Variants in SDHA observed in about 807,000 individuals in gnomAD.
SDHA encodes the protein succinate dehydrogenase complex flavoprotein subunit A.
A neutral mutation model predicts 78.4 loss-of-function variants in SDHA; 48 were observed. The ratio of observed to expected loss-of-function variants is 0.61; its 90% CI spans 0.49 to 0.78. SDHA has a LOEUF of 0.78. Ranked by LOEUF, SDHA falls within the 30% of genes least tolerant of loss-of-function variation. The pLI is 0.00. For synonymous variants in SDHA, 326 were observed against 353.9 expected, an observed-to-expected ratio of 0.92 and a Z score of 0.88; for missense variants, 680 against 892.7, an observed-to-expected ratio of 0.76 and a Z score of 3.04.
chr5:255,447 G>T (rs1205476406), intron 14 of SDHA, among the ~76,000 whole-genome samples: 2 of 149,164 alleles, frequency 1.3e-5, no homozygotes, highest in Non-Finnish European at 3.0e-5. Flanking sequence ...TCCGGGTTCG[G>T]GTTTTTTGGT....
intron 11 of SDHA, among the ~76,000 whole-genome samples, chr5:247,984 T>C (rs1227781177): frequency 7.1e-6 from 1 of 140,436 alleles, no homozygotes; most frequent in Non-Finnish European, 1.5e-5. Flanking sequence ...CATATGCAAT[T>C]GAATCGCATT....
intron 10 of SDHA, among the ~76,000 whole-genome samples, chr5:239,488 TGGA>T (rs1342591905): frequency 1.3e-5 from 2 of 151,218 alleles, no homozygotes; most frequent in Non-Finnish European, 2.9e-5. Flanking sequence ...AACCCGGAGA[TGGA>T]GGTTGCAGTG....
chr5:238,181 C>G (rs1413405339), intron 10 of SDHA, among the ~76,000 whole-genome samples: 1 of 151,914 alleles, frequency 6.6e-6, no homozygotes, highest in Non-Finnish European at 1.5e-5. Flanking sequence ...TCTGTTGATA[C>G]GACATTCTGG....
chr5:246,565 A>G (rs1279859726), intron 11 of SDHA, among the ~76,000 whole-genome samples: 4 of 152,270 alleles, frequency 2.6e-5, no homozygotes, highest in Non-Finnish European at 5.9e-5. Context: ...AGTTCCAGAG[A>G]AGGCTCTAGA....
In SDHA at chr5:226,032, C is replaced by T. The variant is rs1487422271; in HGVS notation, c.606C>T (p.His202=). The T allele has an allele frequency of 1.9e-6, 3 of 1,614,194 alleles. No individual in the cohort carries two copies. The South Asian group carries it at 3.3e-5, about 18-fold the overall frequency. The change falls in exon 5 of 15, where the codon CAC becomes CAT. Residue 202 remains histidine (H), a synonymous_variant. Coordinates refer to ENST00000264932, the MANE Select transcript of SDHA (RefSeq NM_004168.4). ...VADRTGHSLL[H]TLYGRSLRYD... is the part of the protein sequence containing the mutation. ...ATCGGACTGGCCACTCGCTATTGCA[C>T]ACCTTATATGGAAGGGTAAGGCCGC...
rs1199457341 is a variant in SDHA at position 230,915 on chromosome 5, C to T, written c.810C>T (p.His270=). 1.9e-6 allele frequency: 3 copies of T among 1,614,146 alleles called. No homozygotes were observed. Among genetic ancestry groups the T allele is most frequent in the South Asian group, 1.1e-5 (1 of 91,082 alleles). ...CCTACTTCAGCTGCACGTCTGCCCA[C>T]ACCAGCACTGGCGACGGCACGGCCA... ...GRTYFSCTSA[H]TSTGDGTAMI... is the part of the protein sequence containing the mutation. Residue 270 remains histidine, a synonymous_variant, in exon 7 of 15, where the codon CAC becomes CAT. Transcript: ENST00000264932.
intron 8 of SDHA, 44 bp downstream of exon 8, chr5:233,689 G>T: frequency 6.2e-7 from 1 of 1,604,884 alleles, no homozygotes; most frequent in South Asian, 1.1e-5. Context: ...GGGCACACGG[G>T]CCGGGGTTGC....
At chr5:226,484 T>C (rs180945784) in intron 5 of SDHA, among the ~76,000 whole-genome samples, 12 of 152,052 alleles carry the variant, frequency 7.9e-5, no homozygotes, top group Middle Eastern at 6.8e-3. Context: ...GTTTAAAAAT[T>C]AGCTGGGCAT....
intron 9 of SDHA, chr5:235,778 G>A (rs1444572615): frequency 3.2e-6 from 1 of 308,300 alleles, no homozygotes; most frequent in African/African-American, 2.2e-5. Flanking sequence ...TGGAACATCA[G>A]TCTCCCCTGC....
rs1449742263 is a variant in SDHA at position 251,036 on chromosome 5, G to T, written c.1596G>T (p.Leu532Phe). 1 of 1,612,044 alleles carries T rather than the reference G, an allele frequency of 6.2e-7. No homozygotes were observed. Among genetic ancestry groups the T allele is most frequent in the Non-Finnish European group, 8.5e-7 (1 of 1,179,866 alleles). ...CCGTGTTCCGTGTGGGAAGCGTGTTGCAAGAAGGTTGTGGGAAAATCAGCA... is the reference window on the plus strand; with the variant it reads ...CCGTGTTCCGTGTGGGAAGCGTGTTTCAAGAAGGTTGTGGGAAAATCAGCA... ...HAAVFRVGSV[L>F]QEGCGKISKL... Residue 532 changes from leucine to phenylalanine, a missense_variant, in exon 12 of 15, where the codon TTG becomes TTT. Coordinates refer to ENST00000264932, the MANE Select transcript of SDHA (RefSeq NM_004168.4).
chr5:219,196 T>C (rs966639086), intron 1 of SDHA, among the ~76,000 whole-genome samples: 2 of 152,196 alleles, frequency 1.3e-5, no homozygotes, highest in Non-Finnish European at 2.9e-5. Flanking sequence ...TGTGCTTGCC[T>C]GTGCGCTGAG....
intron 6 of SDHA, among the ~76,000 whole-genome samples, chr5:228,719 A>G (rs1321474857): frequency 1.3e-5 from 2 of 152,240 alleles, no homozygotes; most frequent in African/African-American, 2.4e-5. Flanking sequence ...TCTTCTCCAC[A>G]TGATGAAAAT....
chr5:259,939 C>A (rs1200624463), downstream of SDHA, among the ~76,000 whole-genome samples: 5 of 40,830 alleles, frequency 1.2e-4, no homozygotes, highest in Admixed American at 2.2e-4. Flanking sequence ...ACCGTGTGAG[C>A]TCCGCCTCCC....
chr5:231,442 C>G (rs186918579), intron 7 of SDHA, among the ~76,000 whole-genome samples: 1 of 151,902 alleles, frequency 6.6e-6, no homozygotes, highest in East Asian at 1.9e-4. Flanking sequence ...TACCTGTAAT[C>G]CCAGGTACTT....
At chr5:255,084 C>G (rs1241379008) in intron 14 of SDHA, among the ~76,000 whole-genome samples, 2 of 148,940 alleles carry the variant, frequency 1.3e-5, no homozygotes, top group East Asian at 3.9e-4. Context: ...GGGGTCGCAG[C>G]CTTTTTCCAC....
intron 10 of SDHA, among the ~76,000 whole-genome samples, chr5:239,930 CAGATAATTTTTGTGTTTTT>C (rs1354151779): frequency 6.6e-6 from 1 of 152,034 alleles, no homozygotes; most frequent in East Asian, 1.9e-4. Flanking sequence ...CCACCATACC[CAGATAATTTTTGTGTTTTT>C]AGTGAAACGA....
chr5:255,820 TG>T (rs1737150298), intron 14 of SDHA, among the ~76,000 whole-genome samples: 1 of 152,228 alleles, frequency 6.6e-6, no homozygotes, highest in African/African-American at 2.4e-5. Flanking sequence ...CGACCCATTA[TG>T]GTTTAAATTT....
At chr5:236,325 A>T (rs1404334028) in intron 9 of SDHA, 103 bp from the exon 10 acceptor site, 26 of 1,236,220 alleles carry the variant, frequency 2.1e-5, no homozygotes, top group Non-Finnish European at 3.1e-5. Context: ...CGCCTGGCCT[A>T]CTTCCCTCTC....
chr5:218,326 T>C lies in SDHA; in HGVS notation c.-30T>C. The C allele has an allele frequency of 6.9e-7, 1 of 1,445,556 alleles. No individual in the cohort carries two copies. The allele number at this position is 1,445,556 out of a possible 1,614,324, so 89.5% of individuals were successfully genotyped here. On this transcript the variant is annotated 5_prime_UTR_variant, in exon 1 of 15. Coordinates refer to ENST00000264932, the MANE Select transcript of SDHA (RefSeq NM_004168.4). ...GCGCAGGCGCAGTCTGCGCAGGGAC[T>C]GGCGGGACTGCGCGGCGGCAACAGC...
Sources: gnomAD v4.1 joint callset for allele counts (sites outside exome capture counted in the v4.1 genomes callset) on GRCh38, gnomAD v4.1.1 for gene constraint, MANE v1.5 for transcripts, NCBI Gene and HGNC (gene_info 2026-07-23, HGNC 2026-07-21) for gene names.